Variants in AUTS2 observed in about 807,000 individuals in gnomAD.
AUTS2 encodes autism susceptibility gene 2 protein.
A neutral mutation model predicts 112.4 loss-of-function variants in AUTS2; 17 were observed. The ratio of observed to expected loss-of-function variants is 0.15; its 90% CI spans 0.10 to 0.23. The LOEUF is 0.23. Ranked by LOEUF, AUTS2 falls within the 10% of genes least tolerant of loss-of-function variation. The pLI, the probability that AUTS2 is intolerant of heterozygous loss-of-function variation, is 1.00. For synonymous variants in AUTS2, 751 were observed against 702.7 expected (o/e 1.07, Z -1.09); for missense variants, 1,510 against 1,701.6 (o/e 0.89, Z 1.98).
At chr7:70,063,035 T>A (rs953713492) in intron 2 of AUTS2, among the ~76,000 whole-genome samples, 8 of 152,150 alleles carry the variant, frequency 5.3e-5, no homozygotes, top group Non-Finnish European at 1.2e-4. Context: ...TGTGCCTTGT[T>A]TGTGTATGAG....
intron 5 of AUTS2, among the ~76,000 whole-genome samples, chr7:70,459,874 G>T (rs1796891972): frequency 1.3e-5 from 2 of 152,114 alleles, no homozygotes; most frequent in Admixed American, 1.3e-4. Flanking sequence ...AGGGTCTCAT[G>T]GTCCTCATGG....
chr7:69,967,112 C>T (rs1000461469), intron 2 of AUTS2, among the ~76,000 whole-genome samples: 1 of 152,152 alleles, frequency 6.6e-6, no homozygotes, highest in African/African-American at 2.4e-5. Context: ...TGATAATTTT[C>T]TGTAGGCGTG....
At position 70,766,514 on chromosome 7, in the gene AUTS2, C is replaced by G. The variant is rs995592419; in HGVS notation, c.1689+180C>G. Among the ~76,000 whole-genome samples, 1 of 152,190 alleles carries G rather than the reference C, an allele frequency of 6.6e-6. No homozygotes were observed. Among genetic ancestry groups the G allele is most frequent in the Non-Finnish European group, 1.5e-5 (1 of 68,036 alleles). ...CTCAGGCAGCTCTGACTTCAGGGGC[C>G]TAAAGTAGGAACTTCTTTCTAGGCA... On this transcript the variant is annotated intron_variant, in intron 9 of 18. Transcript: ENST00000342771. This position sits in a 1 kb window ranked among gnomAD's most constrained non-coding sequence, Gnocchi z 4.8.
At chr7:70,177,812 A>C (rs1319210250) in intron 4 of AUTS2, among the ~76,000 whole-genome samples, 2 of 88,994 alleles carry the variant, frequency 2.2e-5, no homozygotes, top group East Asian at 6.8e-4. Flanking sequence ...TCTGTTCTGC[A>C]TTCTCATTGT....
intron 2 of AUTS2, among the ~76,000 whole-genome samples, chr7:69,961,890 A>G (rs1158926152): frequency 6.6e-6 from 1 of 152,190 alleles, no homozygotes; most frequent in African/African-American, 2.4e-5. Flanking sequence ...AAGAAAACTC[A>G]TACAACCTCA....
At chr7:69,647,117 A>C (rs1795060691) in intron 1 of AUTS2, among the ~76,000 whole-genome samples, 1 of 152,056 alleles carries the variant, frequency 6.6e-6, no homozygotes, top group Admixed American at 6.5e-5. Flanking sequence ...ACAAAAACAA[A>C]GCATAGTGAC....
chr7:70,080,007 C>T (rs1278354517), intron 2 of AUTS2, among the ~76,000 whole-genome samples: 1 of 152,004 alleles, frequency 6.6e-6, no homozygotes, highest in African/African-American at 2.4e-5. Context: ...GAGGGTAGAG[C>T]CCTCATGACC....
At chr7:69,807,326 A>G (rs189032157) in intron 1 of AUTS2, among the ~76,000 whole-genome samples, 2 of 152,320 alleles carry the variant, frequency 1.3e-5, no homozygotes, top group Non-Finnish European at 2.9e-5. Flanking sequence ...TTTTAGGTGT[A>G]TTAGTTATGT....
chr7:70,087,172 C>T (rs2129566575), intron 2 of AUTS2, among the ~76,000 whole-genome samples: 1 of 152,020 alleles, frequency 6.6e-6, no homozygotes, highest in East Asian at 1.9e-4. Context: ...AAGTTTTAAT[C>T]AGGAATGGAT....
chr7:70,579,981 G>A (rs573083608), intron 5 of AUTS2, among the ~76,000 whole-genome samples: 3 of 152,280 alleles, frequency 2.0e-5, no homozygotes, highest in African/African-American at 4.8e-5. Context: ...AGTTGATTAC[G>A]TTTGCAGGAC....
At chr7:70,097,614 C>G (rs975299541) in intron 2 of AUTS2, among the ~76,000 whole-genome samples, 6 of 152,206 alleles carry the variant, frequency 3.9e-5, no homozygotes, top group South Asian at 4.1e-4. Flanking sequence ...GGCATAATAT[C>G]TTATTCTCTG....
At chr7:69,777,765 C>T (rs1193600353) in intron 1 of AUTS2, among the ~76,000 whole-genome samples, 1 of 152,072 alleles carries the variant, frequency 6.6e-6, no homozygotes, top group South Asian at 2.1e-4. Context: ...TTCCAAGCCC[C>T]TCTTTGTAAC....
intron 5 of AUTS2, among the ~76,000 whole-genome samples, chr7:70,665,455 T>TTATC (rs1403149105): frequency 2.0e-5 from 3 of 150,318 alleles, no homozygotes; most frequent in Admixed American, 6.7e-5. Flanking sequence ...ATTTATCTAT[T>TTATC]TATTTATTTA....
At chr7:70,577,734 A>G (rs1339513426) in intron 5 of AUTS2, among the ~76,000 whole-genome samples, 1 of 152,220 alleles carries the variant, frequency 6.6e-6, no homozygotes, top group East Asian at 1.9e-4. Context: ...CATGAAAACA[A>G]TTTACTAAGC....
At chr7:69,727,075 C>G (rs1207907376) in intron 1 of AUTS2, among the ~76,000 whole-genome samples, 1 of 152,082 alleles carries the variant, frequency 6.6e-6, no homozygotes, top group Non-Finnish European at 1.5e-5. Context: ...TGTATCCTCA[C>G]TAAGAAATCT....
intron 4 of AUTS2, among the ~76,000 whole-genome samples, chr7:70,185,630 G>A (rs1809561881): frequency 6.6e-6 from 1 of 152,144 alleles, no homozygotes; most frequent in African/African-American, 2.4e-5. Context: ...AAATCAGTCA[G>A]TCATGAAGCC....
intron 2 of AUTS2, among the ~76,000 whole-genome samples, chr7:69,931,528 C>T (rs73429449): frequency 0.01 from 1,553 of 152,238 alleles, 39 homozygotes; most frequent in African/African-American, 0.035. Context: ...CTGCTGTATT[C>T]ATTGTGGTAT....
chr7:70,060,873 T>G (rs1454354647), intron 2 of AUTS2, among the ~76,000 whole-genome samples: 1 of 152,158 alleles, frequency 6.6e-6, no homozygotes, highest in African/African-American at 2.4e-5. Context: ...GAGGTAGGTA[T>G]TTCTTCCTTC....
chr7:69,621,817 G>T (rs1793676869), intron 1 of AUTS2, among the ~76,000 whole-genome samples: 1 of 152,084 alleles, frequency 6.6e-6, no homozygotes, highest in Non-Finnish European at 1.5e-5. Context: ...GTACTTAAAA[G>T]TGAGGAGAAA....
Sources: allele counts gnomAD v4.1 joint callset (sites outside exome capture counted in the v4.1 genomes callset), GRCh38; gene constraint gnomAD v4.1.1; non-coding constraint Gnocchi (gnomAD v3.1); transcripts MANE v1.5; gene names NCBI Gene and HGNC (gene_info 2026-07-23, HGNC 2026-07-21).